Variants in FSTL5 observed in about 807,000 individuals in gnomAD.
FSTL5 encodes follistatin like 5.
Under a neutral mutation model 89.1 loss-of-function variants are expected in FSTL5, and 62 were observed. That is an observed-to-expected ratio of 0.70 (90% CI 0.57 to 0.86). FSTL5 has a LOEUF of 0.86. Among genes scored for constraint, FSTL5 ranks in the 40% least tolerant of loss-of-function variants. FSTL5 has a pLI of 0.00. For missense variants in FSTL5, 1,057 were observed against 1,001.6 expected, an observed-to-expected ratio of 1.06 and a Z score of -0.75; for synonymous variants, 383 against 346.2, an observed-to-expected ratio of 1.11 and a Z score of -1.18.
intron 3 of FSTL5, among the ~76,000 whole-genome samples, chr4:161,945,147 C>T (rs948853242): frequency 1.3e-5 from 2 of 152,212 alleles, no homozygotes; most frequent in African/African-American, 4.8e-5. Context: ...CACTGGCTAT[C>T]AGCCACAAAA....
chr4:161,442,147 G>GTT (rs58107906), intron 15 of FSTL5, among the ~76,000 whole-genome samples: 8,151 of 142,662 alleles, frequency 0.057, 245 homozygotes, highest in Non-Finnish European at 0.077. Flanking sequence ...TCTATAAAAG[G>GTT]TTTTTTTTTT....
intron 4 of FSTL5, among the ~76,000 whole-genome samples, chr4:161,795,479 G>A (rs975769531): frequency 2.6e-5 from 4 of 151,998 alleles, no homozygotes; most frequent in African/African-American, 9.7e-5. Flanking sequence ...TTTATTTCCT[G>A]TCAGCGGACC....
chr4:161,536,237 A>C (rs1731611673), intron 10 of FSTL5, among the ~76,000 whole-genome samples: 1 of 152,142 alleles, frequency 6.6e-6, no homozygotes, highest in South Asian at 2.1e-4. Context: ...TTTATAATAA[A>C]ATTTGAAATT....
intron 1 of FSTL5, among the ~76,000 whole-genome samples, chr4:162,158,217 G>C (rs574812917): frequency 3.9e-5 from 6 of 151,934 alleles, no homozygotes; most frequent in Non-Finnish European, 7.4e-5. Flanking sequence ...AAGGGAAAAA[G>C]AAAAACAACT....
At chr4:161,556,947 T>C (rs1002324955) in intron 8 of FSTL5, among the ~76,000 whole-genome samples, 2 of 151,094 alleles carry the variant, frequency 1.3e-5, no homozygotes, top group Non-Finnish European at 3.0e-5. Context: ...TTATATAAAC[T>C]GATAAACCGA....
chr4:161,566,325 T>G (rs901665979), intron 8 of FSTL5, among the ~76,000 whole-genome samples: 1 of 151,834 alleles, frequency 6.6e-6, no homozygotes, highest in East Asian at 1.9e-4. Flanking sequence ...CTATGGTGTA[T>G]ATGTACCGCA....
intron 7 of FSTL5, among the ~76,000 whole-genome samples, chr4:161,620,369 C>T (rs557239224): frequency 2.6e-4 from 40 of 152,210 alleles, no homozygotes; most frequent in African/African-American, 8.9e-4. Flanking sequence ...GAAATGCTAA[C>T]AGAGGCCAGG....
intron 4 of FSTL5, among the ~76,000 whole-genome samples, chr4:161,891,865 G>A (rs1023023926): frequency 2.6e-5 from 4 of 151,960 alleles, no homozygotes; most frequent in Non-Finnish European, 5.9e-5. Flanking sequence ...ACAGAGATGT[G>A]ACTCTTCTAT....
chr4:161,935,839 C>T (rs569676592), intron 3 of FSTL5, among the ~76,000 whole-genome samples: 52 of 152,238 alleles, frequency 3.4e-4, no homozygotes, highest in South Asian at 1.2e-3. Flanking sequence ...GAGAAATGCA[C>T]AGAATGAGAA....
chr4:161,446,553 T>C (rs545710445), intron 15 of FSTL5, among the ~76,000 whole-genome samples: 57 of 152,108 alleles, frequency 3.7e-4, no homozygotes, highest in Non-Finnish European at 6.5e-4. Context: ...AAAAATAATA[T>C]ATCCACTTAA....
chr4:162,026,870 G>A (rs1450397811), intron 3 of FSTL5, among the ~76,000 whole-genome samples: 4 of 152,096 alleles, frequency 2.6e-5, no homozygotes, highest in African/African-American at 9.7e-5. Flanking sequence ...CATCGCTAAT[G>A]TGTTGATATC....
At chr4:161,567,100 G>T (rs1400138717) in intron 8 of FSTL5, among the ~76,000 whole-genome samples, 3 of 151,894 alleles carry the variant, frequency 2.0e-5, no homozygotes. Context: ...ATCACTGCCC[G>T]AACCATCTGA....
At chr4:162,078,579 CA>C (rs1290020553) in intron 2 of FSTL5, among the ~76,000 whole-genome samples, 1 of 151,782 alleles carries the variant, frequency 6.6e-6, no homozygotes, top group Non-Finnish European at 1.5e-5. Context: ...CTCATTACTA[CA>C]TTAATAAACT....
At chr4:161,905,392 G>C (rs1298197006) in intron 4 of FSTL5, among the ~76,000 whole-genome samples, 1 of 152,000 alleles carries the variant, frequency 6.6e-6, no homozygotes, top group Non-Finnish European at 1.5e-5. Flanking sequence ...CATTGTAGAT[G>C]TTCTGTTTTC....
In FSTL5 at chr4:161,411,129, C is replaced by T. The variant is rs116017747; in HGVS notation, c.1842-24680G>A. Among the ~76,000 whole-genome samples, 732 of 152,054 alleles carry T rather than the reference C, an allele frequency of 4.8e-3. 5 individuals carry two copies. The highest frequency in any genetic ancestry group is 0.016 in the African/African-American group (683 of 41,496). The stretch of plus-strand genomic sequence containing the variant: ...CTAGAAGCAGACAATCTCTCGAGAT[C>T]GAATCAGGAAGAGATTGAAAGCGTG... On this transcript the variant is annotated intron_variant, in intron 15 of 15. Transcript: ENST00000306100.
chr4:161,399,373 AAAGT>A (rs1416920234), intron 15 of FSTL5, among the ~76,000 whole-genome samples: 2 of 152,158 alleles, frequency 1.3e-5, no homozygotes, highest in African/African-American at 2.4e-5. Context: ...TTCTTACAAT[AAAGT>A]AAGCTAGAGG....
At chr4:161,939,306 A>G (rs1380800975) in intron 3 of FSTL5, among the ~76,000 whole-genome samples, 1 of 152,046 alleles carries the variant, frequency 6.6e-6, no homozygotes, top group Non-Finnish European at 1.5e-5. Flanking sequence ...AAAAAATATA[A>G]TGATTAAAAG....
chr4:162,052,787 A>C (rs1738423567), intron 2 of FSTL5, among the ~76,000 whole-genome samples: 1 of 151,906 alleles, frequency 6.6e-6, no homozygotes, highest in African/African-American at 2.4e-5. Flanking sequence ...TGTGGTGAGT[A>C]CACTTAAAAT....
chr4:161,965,149 A>G (rs1735288215), intron 3 of FSTL5, among the ~76,000 whole-genome samples: 1 of 152,120 alleles, frequency 6.6e-6, no homozygotes, highest in Non-Finnish European at 1.5e-5. Flanking sequence ...GTTTTATTAT[A>G]CCTTTATATC....
Sources: gnomAD v4.1 joint callset for allele counts (sites outside exome capture counted in the v4.1 genomes callset) on GRCh38, gnomAD v4.1.1 for gene constraint, MANE v1.5 for transcripts, NCBI Gene and HGNC (gene_info 2026-07-23, HGNC 2026-07-21) for gene names.